MBD3: variants seen among roughly 807,000 people sequenced by gnomAD.
MBD3 encodes methyl-CpG binding domain protein 3, also known as methyl-CpG-binding domain protein 3.
In MBD3, 13 loss-of-function variants were observed where a neutral mutation model predicts 31.2. The ratio of observed to expected loss-of-function variants is 0.42; its 90% CI spans 0.27 to 0.66. The LOEUF (loss-of-function observed/expected upper bound fraction) is 0.66, where lower values mean the gene tolerates loss of function less well. MBD3 is among the 30% of genes least tolerant of loss of function. The probability of loss-of-function intolerance (pLI) is 0.26; values close to 1 mark genes in which losing one functional copy is unlikely to be tolerated. For synonymous variants in MBD3, 223 were observed against 187.4 expected (o/e 1.19, Z -1.55); for missense variants, 440 against 426.5 (o/e 1.03, Z -0.28).
At chr19:1,587,921 C>T (rs1190887208) in intron 1 of MBD3, among the ~76,000 whole-genome samples, 1 of 152,210 alleles carries the variant, frequency 6.6e-6, no homozygotes, top group African/African-American at 2.4e-5. Flanking sequence ...TCCTCTTCTG[C>T]CCCTGCCCCA....
chr19:1,578,899 C>T lies in MBD3; in HGVS notation c.678-361G>A, dbSNP rs1917280489. Among the ~76,000 whole-genome samples the T allele has an allele frequency of 6.6e-6, 1 of 152,116 alleles. No homozygotes were observed. Reference sequence around the variant, plus strand: ...GCACTGAGTGGGGCAGGAAAACCCTCACCAGGCCAGGTAGAGGCTCATGCC... The same window carrying T: ...GCACTGAGTGGGGCAGGAAAACCCTTACCAGGCCAGGTAGAGGCTCATGCC... On this transcript the variant is annotated intron_variant, in intron 5 of 6. Transcript: ENST00000434436. The surrounding 1 kb of genome is among the most constrained non-coding windows in gnomAD (Gnocchi z 6.1).
At position 1,581,106 on chromosome 19, in the gene MBD3, G is replaced by T. The variant is rs775439259; in HGVS notation, c.663C>A (p.Thr221=). The T allele has an allele frequency of 1.2e-6, 2 of 1,614,140 alleles. No individual in the cohort carries two copies. The highest frequency in any genetic ancestry group is 1.7e-6 in the Non-Finnish European group (2 of 1,180,032). Residue 221 remains threonine, a synonymous_variant, in exon 5 of 7, where the codon ACC becomes ACA. Transcript: ENST00000434436. Reference sequence around the variant, plus strand: ...CAAGGGGCTACCTGATGTCCTCGTCGGTCACCATGAAGGCTTTGCACAGGG... The same window carrying T: ...CAAGGGGCTACCTGATGTCCTCGTCTGTCACCATGAAGGCTTTGCACAGGG... ...TQPLCKAFMV[T]DEDIRKQEEL... is the part of the protein sequence containing the mutation.
At chr19:1,582,492 C>G in intron 4 of MBD3, 130 bp downstream of exon 4, 2 of 836,506 alleles carry the variant, frequency 2.4e-6, no homozygotes, top group Admixed American at 2.1e-5. Context: ...CTGCCCCAGT[C>G]GCTGGCAGAT....
chr19:1,586,470 G>T (rs975722843), intron 1 of MBD3: 6 of 152,436 alleles, frequency 3.9e-5, no homozygotes, highest in African/African-American at 1.4e-4. Context: ...AGAGGCTGGG[G>T]TGCAGGATGT....
At chr19:1,586,537 G>A (rs988317512) in intron 1 of MBD3, among the ~76,000 whole-genome samples, 2 of 152,128 alleles carry the variant, frequency 1.3e-5, no homozygotes, top group African/African-American at 4.8e-5. Context: ...TGGAGATAGG[G>A]TCTCACTCTT....
In MBD3 at chr19:1,578,491, G is replaced by A. The variant is rs766243731; in HGVS notation, c.725C>T (p.Ala242Val). The A allele has an allele frequency of 5.0e-6, 8 of 1,611,322 alleles. No homozygotes were observed. Among genetic ancestry groups the A allele is most frequent in the South Asian group, 2.2e-5 (2 of 91,082 alleles). Residue 242 changes from alanine to valine, a missense_variant, in exon 6 of 7, where the codon GCG (alanine) becomes GTG (valine). Ala to Val is a moderately conservative substitution (Grantham distance 64). This residue lies in a region of MBD3 where 117 missense variants were observed against 95.0 expected (regional missense o/e 1.23). Transcript: ENST00000434436. This position sits in a 1 kb window ranked among gnomAD's most constrained non-coding sequence, Gnocchi z 6.1. ...GTGCGCCAGCATGTCGGCCATCAGC[G>A]CCTCCTCCAGCCGCTTCCGCACCTG... ...VQQVRKRLEE[A>V]LMADMLAHVE...
In MBD3 at chr19:1,577,863, A is replaced by C; in HGVS notation, c.*301T>G. 1 of 179,574 alleles carries C rather than the reference A, an allele frequency of 5.6e-6. No homozygotes were observed. The highest frequency in any genetic ancestry group is 1.2e-5 in the Non-Finnish European group (1 of 84,036). 11.1% of individuals were successfully genotyped at this position (179,574 alleles called of 1,614,324 possible). Reference sequence around the variant, plus strand: ...AGCTGGGACAGCGGGCATGGGGAGGAGCTGGCCTCGAGCCCAAAGGTCGTA... The same window carrying C: ...AGCTGGGACAGCGGGCATGGGGAGGCGCTGGCCTCGAGCCCAAAGGTCGTA... On this transcript the variant is annotated 3_prime_UTR_variant, in exon 7 of 7. Transcript: ENST00000434436.
At chr19:1,588,306 T>C (rs2060688263) in intron 1 of MBD3, among the ~76,000 whole-genome samples, 2 of 152,192 alleles carry the variant, frequency 1.3e-5, no homozygotes, top group Non-Finnish European at 2.9e-5. Flanking sequence ...AATTACTCTC[T>C]GGACTGGCTG....
intron 4 of MBD3, 31 bp from the exon 5 acceptor site, chr19:1,581,300 G>A: frequency 5.6e-6 from 9 of 1,597,258 alleles, no homozygotes; most frequent in Non-Finnish European, 7.6e-6. Context: ...AGCCGCAAGT[G>A]GAGAGGTCAC....
At chr19:1,587,642 C>A (rs554812819) in intron 1 of MBD3, among the ~76,000 whole-genome samples, 7 of 152,164 alleles carry the variant, frequency 4.6e-5, no homozygotes, top group African/African-American at 1.7e-4. Flanking sequence ...CTCCAACTTA[C>A]GATCTCAAGA....
At chr19:1,580,591 A>G (rs1051534440) in intron 5 of MBD3, among the ~76,000 whole-genome samples, 1 of 152,146 alleles carries the variant, frequency 6.6e-6, no homozygotes, top group Non-Finnish European at 1.5e-5. Flanking sequence ...CACTCTGCAC[A>G]CTGGAAGTGG....
In MBD3 at chr19:1,575,890, A is replaced by T. The variant is rs1289933512; in HGVS notation, c.*2274T>A. ...CCCTGTGGCAGGGGTAGGGATCATC[A>T]CATCTCAGACCAAGGCCAGGACATG... On this transcript the variant is annotated 3_prime_UTR_variant, in exon 7 of 7. Coordinates refer to ENST00000434436, the MANE Select transcript of MBD3 (RefSeq NM_001281453.2). 6.6e-6 allele frequency: 1 copy of T among 152,356 alleles called. No homozygotes were observed. Among genetic ancestry groups the T allele is most frequent in the African/African-American group, 2.4e-5 (1 of 41,424 alleles). 9.4% of individuals were successfully genotyped at this position (152,356 alleles called of 1,614,324 possible).
chr19:1,591,368 TC>T (rs2060702683), intron 1 of MBD3, among the ~76,000 whole-genome samples: 1 of 152,176 alleles, frequency 6.6e-6, no homozygotes, highest in Non-Finnish European at 1.5e-5. Context: ...AGCCATCCTT[TC>T]CCCGCTCACT....
In MBD3 at chr19:1,586,573, A is replaced by G. The variant is rs539259843; in HGVS notation, c.111-1359T>C. ...GCCCAGGCTGGAATGCAATGGCTCAATCACAGCTCACTGCAACCTTGAACT... is the reference window on the plus strand; with the variant it reads ...GCCCAGGCTGGAATGCAATGGCTCAGTCACAGCTCACTGCAACCTTGAACT... On this transcript the variant is annotated intron_variant, in intron 1 of 6. Coordinates refer to ENST00000434436, the MANE Select transcript of MBD3 (RefSeq NM_001281453.2). Among the ~76,000 whole-genome samples, 173 of 152,190 alleles carry G rather than the reference A, an allele frequency of 1.1e-3. 1 individual carries two copies. The South Asian group carries it at 0.022, about 20-fold the overall frequency.
chr19:1,578,656 C>G lies in MBD3; in HGVS notation c.678-118G>C, dbSNP rs533640776. ...GCCCGAGGGATCCACAGGCACCCCCCCAGGACCAGCCCTGGCCCGTGCCAC... is the reference window on the plus strand; with the variant it reads ...GCCCGAGGGATCCACAGGCACCCCCGCAGGACCAGCCCTGGCCCGTGCCAC... On this transcript the variant is annotated intron_variant, in intron 5 of 6. Transcript: ENST00000434436. The surrounding 1 kb of genome is among the most constrained non-coding windows in gnomAD (Gnocchi z 6.1). The G allele has an allele frequency of 4.4e-6, 7 of 1,583,778 alleles. No individual in the cohort carries two copies. The East Asian group carries it at 6.7e-5, about 15-fold the overall frequency.
rs571272933 is a variant in MBD3 at position 1,592,610 on chromosome 19, A to C, written c.22T>G (p.Cys8Gly). 1 of 1,384,818 alleles carries C rather than the reference A, an allele frequency of 7.2e-7. No homozygotes were observed. Among genetic ancestry groups the C allele is most frequent in the South Asian group, 1.3e-5 (1 of 79,694 alleles). 85.8% of individuals were successfully genotyped at this position (1,384,818 alleles called of 1,614,324 possible). A position where few individuals can be genotyped will look rare whatever the true frequency, so the allele number is the denominator to read the frequency against. ...TCCCAGCCCTGCGGGAGCGCCGGGCACTCCCACCTCTTCCGCTCCATTGCG... is the reference window on the plus strand; with the variant it reads ...TCCCAGCCCTGCGGGAGCGCCGGGCCCTCCCACCTCTTCCGCTCCATTGCG... MERKRWE[C>G]PALPQGWERE... The change falls in exon 1 of 7, where the codon TGC (cysteine) becomes GGC (glycine). Residue 8 changes from cysteine to glycine, a missense_variant. By Grantham distance (159) the Cys-to-Gly change is radical (BLOSUM62 -3). Transcript: ENST00000434436.
chr19:1,592,392 A>AGACG (rs2060708714), intron 1 of MBD3, 130 bp downstream of exon 1: 3 of 214,416 alleles, frequency 1.4e-5, no homozygotes, highest in Admixed American at 1.2e-4. Flanking sequence ...CACGCACGCA[A>AGACG]GACGCACGCA....
chr19:1,591,176 C>T (rs2060701886), intron 1 of MBD3, among the ~76,000 whole-genome samples: 1 of 152,236 alleles, frequency 6.6e-6, no homozygotes, highest in Non-Finnish European at 1.5e-5. Flanking sequence ...CAGGCCCCGT[C>T]ATCTGCCCTC....
intron 5 of MBD3, among the ~76,000 whole-genome samples, chr19:1,579,060 T>C (rs1244797477): frequency 6.6e-6 from 1 of 151,530 alleles, no homozygotes; most frequent in Non-Finnish European, 1.5e-5. Flanking sequence ...GGCGGCCGCC[T>C]GTAGTCCCAG....
Sources: gnomAD v4.1 joint callset for allele counts (sites outside exome capture counted in the v4.1 genomes callset) on GRCh38, gnomAD v4.1.1 for gene constraint, gnomAD v4.1.1 regional missense constraint, Gnocchi (gnomAD v3.1) non-coding constraint, MANE v1.5 for transcripts, NCBI Gene and HGNC (gene_info 2026-07-23, HGNC 2026-07-21) for gene names.